The following ARL15 variants were observed in gnomAD, a reference collection of about 807,000 sequenced individuals.
The protein encoded by ARL15 is ARF like GTPase 15.
A neutral mutation model predicts 25.2 loss-of-function variants in ARL15; 19 were observed. The observed-to-expected ratio is 0.75, with a 90% CI of 0.53 to 1.10. ARL15 has a LOEUF of 1.10. Ranked by LOEUF, ARL15 falls within the 50% of genes least tolerant of loss-of-function variation. The pLI is 0.00. For missense variants in ARL15, 220 were observed against 246.0 expected, an observed-to-expected ratio of 0.89 and a Z score of 0.71; for synonymous variants, 94 against 86.8, an observed-to-expected ratio of 1.08 and a Z score of -0.46.
intron 4 of ARL15, among the ~76,000 whole-genome samples, chr5:53,981,378 C>G (rs1363697622): frequency 1.3e-5 from 2 of 152,060 alleles, no homozygotes; most frequent in African/African-American, 4.8e-5. Context: ...CCAGAAGGCA[C>G]CCTGAGGGTC....
chr5:54,075,912 G>A (rs1420887057), intron 4 of ARL15, among the ~76,000 whole-genome samples: 1 of 152,162 alleles, frequency 6.6e-6, no homozygotes, highest in Non-Finnish European at 1.5e-5. Flanking sequence ...ATAAGATCTA[G>A]AATTAGAAAG....
intron 1 of ARL15, among the ~76,000 whole-genome samples, chr5:54,196,421 C>T (rs1405990045): frequency 6.6e-6 from 1 of 152,094 alleles, no homozygotes; most frequent in Non-Finnish European, 1.5e-5. Context: ...AAAACTGGGC[C>T]ACCTTTGCCA....
In ARL15 at chr5:54,225,783, A is replaced by C. The variant is rs3822490; in HGVS notation, c.49-53855T>G. 1.7e-3 allele frequency among the ~76,000 whole-genome samples: 257 copies of C among 152,222 alleles called. 4 individuals are homozygous for C. The East Asian group carries it at 0.041, about 24-fold the overall frequency. ...GGACACACCATCGCATCGGGAAGCA[A>C]GTGTGAGAAGTAGGCTGGAAATACA... On this transcript the variant is annotated intron_variant, in intron 1 of 4. Transcript: ENST00000504924.
intron 3 of ARL15, among the ~76,000 whole-genome samples, chr5:54,150,023 A>G (rs1446472607): frequency 2.6e-5 from 4 of 152,142 alleles, no homozygotes; most frequent in African/African-American, 4.8e-5. Flanking sequence ...AAAGGGCCTA[A>G]ATGGATATCT....
At chr5:53,960,436 G>C (rs991334137) in intron 4 of ARL15, among the ~76,000 whole-genome samples, 1 of 152,098 alleles carries the variant, frequency 6.6e-6, no homozygotes, top group African/African-American at 2.4e-5. Flanking sequence ...AATGAGGCTA[G>C]GGCACAAAGA....
chr5:53,934,192 T>A (rs185090954), intron 4 of ARL15, among the ~76,000 whole-genome samples: 32 of 152,314 alleles, frequency 2.1e-4, no homozygotes, highest in African/African-American at 7.2e-4. Context: ...TAATTATTCG[T>A]TACAACAGAA....
chr5:54,181,722 C>T (rs9968611), intron 1 of ARL15, among the ~76,000 whole-genome samples: 4,279 of 152,210 alleles, frequency 0.028, 199 homozygotes, highest in African/African-American at 0.098. Flanking sequence ...TCACTTGAGG[C>T]TAGGAGTTTG....
intron 4 of ARL15, among the ~76,000 whole-genome samples, chr5:54,011,787 G>C (rs1017696490): frequency 6.6e-6 from 1 of 152,098 alleles, no homozygotes; most frequent in Non-Finnish European, 1.5e-5. Context: ...GAGGCGGGCG[G>C]ATCTCGAGGT....
At chr5:54,122,228 G>A (rs1023108081) in intron 3 of ARL15, among the ~76,000 whole-genome samples, 1 of 152,118 alleles carries the variant, frequency 6.6e-6, no homozygotes, top group Non-Finnish European at 1.5e-5. Context: ...CCTCATTGCT[G>A]TCTAGATTTC....
intron 1 of ARL15, among the ~76,000 whole-genome samples, chr5:54,200,320 G>T (rs981107862): frequency 3.4e-5 from 5 of 149,154 alleles, no homozygotes; most frequent in African/African-American, 1.2e-4. Context: ...AGAAAAAAAA[G>T]AAAAAAATAA....
chr5:54,089,442 T>A (rs1484746935), intron 4 of ARL15, among the ~76,000 whole-genome samples: 1 of 152,148 alleles, frequency 6.6e-6, no homozygotes, highest in Non-Finnish European at 1.5e-5. Context: ...ATCCTCCCCA[T>A]AATTATGGAA....
chr5:54,252,652 GAA>G (rs1443314446), intron 1 of ARL15, among the ~76,000 whole-genome samples: 1 of 152,198 alleles, frequency 6.6e-6, no homozygotes, highest in Non-Finnish European at 1.5e-5. Context: ...GGCCAAGGCT[GAA>G]GACTGCAGCC....
rs35947755 is a variant in ARL15 at position 53,889,810 on chromosome 5, G to GTTT, written c.463-3100_463-3098dup. Among the ~76,000 whole-genome samples the GTTT allele has an allele frequency of 2.9e-4, 39 of 135,876 alleles. 1 individual carries two copies. Among genetic ancestry groups the GTTT allele is most frequent in the Non-Finnish European group, 3.3e-4 (21 of 63,786 alleles). 89.1% of individuals were successfully genotyped at this position (135,876 alleles called of 152,430 possible). On this transcript the variant is annotated intron_variant, in intron 4 of 4. Coordinates refer to ENST00000504924, the MANE Select transcript of ARL15 (RefSeq NM_019087.3). ...AGGACTTTATGTTCTAGTTCTGACT[G>GTTT]TTTTTTTTTTTTTTTTTCCGAGACA...
At chr5:54,205,287 TCTGCTCAGAGATCGC>T (rs1755836742) in intron 1 of ARL15, among the ~76,000 whole-genome samples, 1 of 152,184 alleles carries the variant, frequency 6.6e-6, no homozygotes, top group Non-Finnish European at 1.5e-5. Context: ...GGTAAAGGCA[TCTGCTCAGAGATCGC>T]TTGCCCAAGA....
intron 4 of ARL15, among the ~76,000 whole-genome samples, chr5:53,943,438 G>A (rs1216547261): frequency 1.3e-5 from 2 of 152,110 alleles, no homozygotes; most frequent in African/African-American, 4.8e-5. Context: ...GTCCTTCCCA[G>A]AGAAGTGACC....
At chr5:54,009,241 T>C (rs1042754873) in intron 4 of ARL15, among the ~76,000 whole-genome samples, 1 of 152,220 alleles carries the variant, frequency 6.6e-6, no homozygotes, top group Non-Finnish European at 1.5e-5. Context: ...GACTTTTTAA[T>C]CATTTGGGAG....
chr5:53,989,214 T>C (rs1348940874), intron 4 of ARL15, among the ~76,000 whole-genome samples: 1 of 152,176 alleles, frequency 6.6e-6, no homozygotes, highest in Non-Finnish European at 1.5e-5. Context: ...ATACATTGTA[T>C]AGCTATTGAA....
At chr5:53,922,808 G>A (rs1745896798) in intron 4 of ARL15, among the ~76,000 whole-genome samples, 1 of 152,198 alleles carries the variant, frequency 6.6e-6, no homozygotes. Context: ...CAACTGAGCT[G>A]TGTAGATCCT....
intron 3 of ARL15, among the ~76,000 whole-genome samples, chr5:54,151,608 T>A (rs1160049617): frequency 1.3e-5 from 2 of 152,118 alleles, no homozygotes. Context: ...ATAAAAACAC[T>A]TTCACAAAAC....
Sources: allele counts gnomAD v4.1 joint callset (sites outside exome capture counted in the v4.1 genomes callset), GRCh38; gene constraint gnomAD v4.1.1; transcripts MANE v1.5; gene names NCBI Gene and HGNC (gene_info 2026-07-23, HGNC 2026-07-21).